Variants in KCNMB4 observed in about 807,000 individuals in gnomAD.
The protein encoded by KCNMB4 is potassium calcium-activated channel subfamily M regulatory beta subunit 4, also known as calcium-activated potassium channel subunit beta-4.
A neutral mutation model predicts 20.7 loss-of-function variants in KCNMB4; 3 were observed. The observed-to-expected ratio is 0.14, with a 90% CI of 0.07 to 0.37. The LOEUF (loss-of-function observed/expected upper bound fraction) is 0.37. Among genes scored for constraint, KCNMB4 ranks in the 10% least tolerant of loss-of-function variants. KCNMB4 has a pLI of 1.00. For missense variants in KCNMB4, 168 were observed against 265.9 expected, an observed-to-expected ratio of 0.63 and a Z score of 2.56; for synonymous variants, 110 against 113.4, an observed-to-expected ratio of 0.97 and a Z score of 0.19.
At chr12:70,383,152 C>T (rs1177641207) in intron 1 of KCNMB4, among the ~76,000 whole-genome samples, 3 of 152,186 alleles carry the variant, frequency 2.0e-5, no homozygotes, top group Non-Finnish European at 2.9e-5. Flanking sequence ...CAGGACTGTA[C>T]TAATCAGATC....
Position 70,366,615 on chromosome 12 carries a change from C to T in KCNMB4, c.-120C>T, listed in dbSNP as rs1168566983. 2 of 662,352 alleles carry T rather than the reference C, an allele frequency of 3.0e-6. No individual in the cohort carries two copies. Among genetic ancestry groups the T allele is most frequent in the East Asian group, 8.7e-5 (2 of 22,930 alleles). The allele number at this position is 662,352 out of a possible 1,614,324, so 41.0% of individuals were successfully genotyped here. ...CGCGCTCCCCCTCGCCGCCCACTCC[C>T]CTGCTGTCGCGCGGCGGCGGCGGTG... On this transcript the variant is annotated 5_prime_UTR_variant, in exon 1 of 3. Transcript: ENST00000258111.
intron 1 of KCNMB4, among the ~76,000 whole-genome samples, chr12:70,398,692 G>A (rs1014722627): frequency 7.2e-5 from 11 of 152,028 alleles, no homozygotes; most frequent in African/African-American, 2.4e-4. Context: ...AAATGTATCC[G>A]TGTTATCATT....
chr12:70,405,412 G>A (rs1868571378), intron 2 of KCNMB4, among the ~76,000 whole-genome samples: 1 of 152,106 alleles, frequency 6.6e-6, no homozygotes, highest in African/African-American at 2.4e-5. Flanking sequence ...AATCATCAGA[G>A]AAATGCAAAT....
intron 2 of KCNMB4, among the ~76,000 whole-genome samples, chr12:70,416,723 C>T (rs1313479982): frequency 1.3e-5 from 2 of 152,054 alleles, no homozygotes; most frequent in African/African-American, 4.8e-5. Flanking sequence ...CAGACTACAA[C>T]AAAATTGAAT....
chr12:70,400,396 C>T, intron 2 of KCNMB4, 60 bp downstream of exon 2: 1 of 1,529,124 alleles, frequency 6.5e-7, no homozygotes, highest in South Asian at 1.3e-5. Context: ...GCTTATTACA[C>T]TGTTATATCG....
chr12:70,391,998 T>C (rs1280950307), intron 1 of KCNMB4, among the ~76,000 whole-genome samples: 3 of 152,214 alleles, frequency 2.0e-5, no homozygotes, highest in African/African-American at 7.2e-5. Flanking sequence ...CAGTTTTTTT[T>C]ATCATCACCA....
intron 1 of KCNMB4, among the ~76,000 whole-genome samples, chr12:70,368,921 C>G (rs1243743407): frequency 6.6e-6 from 1 of 152,066 alleles, no homozygotes. Flanking sequence ...TTTAAATTAC[C>G]TAGAAGCAAT....
chr12:70,386,352 G>A (rs1593327788), intron 1 of KCNMB4, among the ~76,000 whole-genome samples: 3 of 152,030 alleles, frequency 2.0e-5, no homozygotes, highest in Admixed American at 2.0e-4. Flanking sequence ...ATTTTTTTAT[G>A]TAGTAAATGT....
intron 2 of KCNMB4, among the ~76,000 whole-genome samples, chr12:70,422,435 T>G (rs1254855919): frequency 6.6e-6 from 1 of 152,148 alleles, no homozygotes; most frequent in Non-Finnish European, 1.5e-5. Context: ...GGAGATAACG[T>G]TGAACTGATC....
At chr12:70,374,308 T>C (rs1196582854) in intron 1 of KCNMB4, among the ~76,000 whole-genome samples, 2 of 152,252 alleles carry the variant, frequency 1.3e-5, no homozygotes, top group East Asian at 1.9e-4. Flanking sequence ...TGAATGAAGA[T>C]GTCAAGTTTT....
intron 2 of KCNMB4, among the ~76,000 whole-genome samples, chr12:70,414,222 ACT>A (rs1868858632): frequency 2.0e-5 from 3 of 152,004 alleles, no homozygotes; most frequent in South Asian, 4.2e-4. Flanking sequence ...ACAGAGCGAG[ACT>A]CTGTCTCAAA....
intron 2 of KCNMB4, among the ~76,000 whole-genome samples, chr12:70,413,915 G>A (rs1593343659): frequency 6.6e-6 from 1 of 152,286 alleles, no homozygotes; most frequent in East Asian, 1.9e-4. Flanking sequence ...ATTGCTCAAT[G>A]GCTAGAGAGT....
At chr12:70,414,948 A>G (rs1868876968) in intron 2 of KCNMB4, among the ~76,000 whole-genome samples, 1 of 152,188 alleles carries the variant, frequency 6.6e-6, no homozygotes, top group Non-Finnish European at 1.5e-5. Flanking sequence ...CTTAATTGTA[A>G]GTCAAAATGG....
chr12:70,368,505 G>A (rs1243941579), intron 1 of KCNMB4, among the ~76,000 whole-genome samples: 2 of 152,066 alleles, frequency 1.3e-5, no homozygotes, highest in South Asian at 2.1e-4. Flanking sequence ...TCTTGAAGAG[G>A]TGATAACGTC....
chr12:70,384,032 G>A (rs1242610340), intron 1 of KCNMB4, among the ~76,000 whole-genome samples: 1 of 152,168 alleles, frequency 6.6e-6, no homozygotes, highest in Non-Finnish European at 1.5e-5. Flanking sequence ...CCGTGCCACT[G>A]CATTCCAGCC....
At chr12:70,380,547 C>T (rs1191747406) in intron 1 of KCNMB4, among the ~76,000 whole-genome samples, 1 of 150,750 alleles carries the variant, frequency 6.6e-6, no homozygotes. Flanking sequence ...ATAAAGCAAG[C>T]AATAAAACGA....
intron 2 of KCNMB4, among the ~76,000 whole-genome samples, chr12:70,420,982 G>A (rs933831037): frequency 1.3e-5 from 2 of 151,466 alleles, no homozygotes; most frequent in Non-Finnish European, 2.9e-5. Flanking sequence ...GAACCTGGGA[G>A]GGGAGCTTCC....
At chr12:70,393,390 A>G (rs1419274615) in intron 1 of KCNMB4, among the ~76,000 whole-genome samples, 1 of 151,966 alleles carries the variant, frequency 6.6e-6, no homozygotes, top group African/African-American at 2.4e-5. Context: ...TTTAGTAGAG[A>G]AGGAGTTTCA....
chr12:70,370,077 C>T (rs965768928), intron 1 of KCNMB4, among the ~76,000 whole-genome samples: 5 of 152,104 alleles, frequency 3.3e-5, no homozygotes. Flanking sequence ...GGGTCCAACT[C>T]TCCAAGATTC....
Sources: allele counts gnomAD v4.1 joint callset (sites outside exome capture counted in the v4.1 genomes callset), GRCh38; gene constraint gnomAD v4.1.1; transcripts MANE v1.5; gene names NCBI Gene and HGNC (gene_info 2026-07-23, HGNC 2026-07-21).